TRPM3: variants seen among roughly 807,000 people sequenced by gnomAD.
The protein encoded by TRPM3 is long transient receptor potential channel 3.
TRPM3 carries 77 observed loss-of-function variants against 181.2 expected under a neutral mutation model. The ratio of observed to expected loss-of-function variants is 0.42; its 90% CI spans 0.35 to 0.51. The LOEUF is 0.51. TRPM3 is among the 20% of genes least tolerant of loss of function. The pLI, the probability that TRPM3 is intolerant of heterozygous loss-of-function variation, is 0.01. For synonymous variants in TRPM3, 745 were observed against 796.4 expected, an observed-to-expected ratio of 0.94 and a Z score of 1.09; for missense variants, 1,759 against 2,196.7, an observed-to-expected ratio of 0.80 and a Z score of 3.98.
At chr9:71,052,728 C>CA (rs1255678580) in intron 1 of TRPM3, among the ~76,000 whole-genome samples, 4 of 151,896 alleles carry the variant, frequency 2.6e-5, no homozygotes, top group Admixed American at 2.0e-4. Flanking sequence ...GATAACCATT[C>CA]AAAAAACCCT....
intron 22 of TRPM3, among the ~76,000 whole-genome samples, chr9:70,590,772 A>G (rs2132521703): frequency 6.6e-6 from 1 of 152,324 alleles, no homozygotes; most frequent in African/African-American, 2.4e-5. Flanking sequence ...TAAGTGGTTC[A>G]TTGTTTGATC....
intron 1 of TRPM3, among the ~76,000 whole-genome samples, chr9:70,992,715 T>C (rs781703437): frequency 6.6e-6 from 1 of 152,190 alleles, no homozygotes; most frequent in Non-Finnish European, 1.5e-5. Flanking sequence ...ATGTTGGCAG[T>C]GGATACCATA....
chr9:70,543,665 G>A (rs1179547143), intron 25 of TRPM3, among the ~76,000 whole-genome samples: 2 of 151,978 alleles, frequency 1.3e-5, no homozygotes, highest in Non-Finnish European at 2.9e-5. Flanking sequence ...TTGGATCTAG[G>A]TAAAATGAAA....
intron 9 of TRPM3, among the ~76,000 whole-genome samples, chr9:70,644,632 C>G (rs1029098698): frequency 1.1e-4 from 17 of 152,186 alleles, no homozygotes; most frequent in African/African-American, 3.6e-4. Flanking sequence ...GAAGTATTCC[C>G]TTTGAAAACT....
intron 6 of TRPM3, among the ~76,000 whole-genome samples, chr9:70,805,685 C>T (rs2131316976): frequency 6.6e-6 from 1 of 151,986 alleles, no homozygotes; most frequent in East Asian, 1.9e-4. Flanking sequence ...TTCATACACC[C>T]TATAAGAGTT....
intron 18 of TRPM3, among the ~76,000 whole-genome samples, chr9:70,615,079 C>T (rs1391373317): frequency 3.9e-5 from 6 of 152,182 alleles, no homozygotes; most frequent in Admixed American, 2.6e-4. Context: ...ACACTGCTGT[C>T]CTACTAGGAT....
rs537871118 is a variant in TRPM3, at chr9:71,198,859, T to C, written c.183+247794A>G. The stretch of plus-strand genomic sequence containing the variant: ...TTCCTCTTTTCCTAACTGAATACCC[T>C]TTATTTCCTTCTCCTGTCTAATTGC... On this transcript the variant is annotated intron_variant, in intron 1 of 24. Coordinates refer to the TRPM3 transcript ENST00000357533. 1.0e-3 allele frequency among the ~76,000 whole-genome samples: 126 copies of C among 124,098 alleles called. 12 individuals carry two copies. Among genetic ancestry groups the C allele is most frequent in the African/African-American group, 3.3e-3 (118 of 36,042 alleles). The allele number at this position is 124,098 out of a possible 152,430, so 81.4% of individuals were successfully genotyped here.
chr9:70,565,513 G>A (rs1377259493), intron 22 of TRPM3, among the ~76,000 whole-genome samples: 5 of 151,918 alleles, frequency 3.3e-5, no homozygotes, highest in African/African-American at 1.2e-4. Flanking sequence ...GGCTGGTCTC[G>A]AACCGCTGAC....
At chr9:71,160,551 T>C (rs2076228997) in intron 1 of TRPM3, among the ~76,000 whole-genome samples, 1 of 152,152 alleles carries the variant, frequency 6.6e-6, no homozygotes, top group African/African-American at 2.4e-5. Context: ...TCTCAATGTT[T>C]TTGCTCAGAA....
intron 1 of TRPM3, among the ~76,000 whole-genome samples, chr9:71,127,475 T>G (rs1027866310): frequency 2.0e-5 from 3 of 152,172 alleles, no homozygotes; most frequent in Non-Finnish European, 4.4e-5. Flanking sequence ...TCTGTAACTT[T>G]GGAAGTCAGG....
chr9:71,446,887 C>A, upstream of TRPM3: 1 of 1,457,856 alleles, frequency 6.9e-7, no homozygotes, highest in Non-Finnish European at 9.1e-7. Flanking sequence ...AGCGCTCTCG[C>A]TGGCTCCTCG....
chr9:71,397,976 C>A (rs965331271), intron 1 of TRPM3, among the ~76,000 whole-genome samples: 6 of 152,144 alleles, frequency 3.9e-5, no homozygotes, highest in African/African-American at 1.4e-4. Flanking sequence ...ACCATGTACC[C>A]TCCTGGCAAC....
chr9:70,915,340 C>T (rs546541083), intron 1 of TRPM3, among the ~76,000 whole-genome samples: 1 of 152,034 alleles, frequency 6.6e-6, no homozygotes, highest in Non-Finnish European at 1.5e-5. Context: ...CTCTGTCGCC[C>T]AGGCTGGAGT....
At chr9:71,211,546 G>A (rs1197607299) in intron 1 of TRPM3, among the ~76,000 whole-genome samples, 2 of 152,148 alleles carry the variant, frequency 1.3e-5, no homozygotes, top group East Asian at 3.9e-4. Flanking sequence ...GAGGCTAGAA[G>A]TCCAAGATCA....
chr9:70,885,304 T>C (rs892215815), intron 1 of TRPM3, among the ~76,000 whole-genome samples: 1 of 152,194 alleles, frequency 6.6e-6, no homozygotes, highest in African/African-American at 2.4e-5. Context: ...CTGTGGCCTG[T>C]ATTCACTAGA....
chr9:70,675,871 T>C (rs2063897013), intron 9 of TRPM3, among the ~76,000 whole-genome samples: 1 of 152,248 alleles, frequency 6.6e-6, no homozygotes, highest in Non-Finnish European at 1.5e-5. Context: ...GATTACAATA[T>C]GTCTCCTGCT....
At chr9:71,411,238 G>A (rs192753535) in intron 1 of TRPM3, among the ~76,000 whole-genome samples, 27 of 152,320 alleles carry the variant, frequency 1.8e-4, no homozygotes, top group Non-Finnish European at 2.6e-4. Context: ...ACACAGTGTT[G>A]GAAGTTCTGG....
At chr9:71,285,432 T>A (rs1183467240) in intron 1 of TRPM3, among the ~76,000 whole-genome samples, 1 of 152,212 alleles carries the variant, frequency 6.6e-6, no homozygotes, top group African/African-American at 2.4e-5. Context: ...GCAAACAGTA[T>A]AGTCCTCAGA....
intron 3 of TRPM3, among the ~76,000 whole-genome samples, chr9:70,853,032 A>G (rs1342843663): frequency 6.6e-6 from 1 of 152,074 alleles, no homozygotes; most frequent in African/African-American, 2.4e-5. Flanking sequence ...GAGGGGAGAG[A>G]CTGTGTTTGA....
Sources: allele counts gnomAD v4.1 joint callset (sites outside exome capture counted in the v4.1 genomes callset), GRCh38; gene constraint gnomAD v4.1.1; transcripts MANE v1.5; gene names NCBI Gene and HGNC (gene_info 2026-07-23, HGNC 2026-07-21).